Variants in GSK3B observed in about 807,000 individuals in gnomAD.
GSK3B encodes the protein glycogen synthase kinase 3 beta, also known as glycogen synthase kinase-3 beta.
GSK3B carries 15 observed loss-of-function variants against 56.4 expected under a neutral mutation model. That is an observed-to-expected ratio of 0.27 (90% confidence interval 0.18 to 0.41). The LOEUF (loss-of-function observed/expected upper bound fraction) is 0.41, where lower values mean the gene tolerates loss of function less well. Among genes scored for constraint, GSK3B ranks in the 10% least tolerant of loss-of-function variants. The pLI is 1.00. For synonymous variants in GSK3B, 181 were observed against 188.9 expected (o/e 0.96, Z 0.34); for missense variants, 300 against 513.4 (o/e 0.58, Z 4.02).
intron 1 of GSK3B, among the ~76,000 whole-genome samples, chr3:120,057,799 T>C (rs772594731): frequency 6.6e-6 from 1 of 152,150 alleles, no homozygotes; most frequent in African/African-American, 2.4e-5. Context: ...TTCTCTCATT[T>C]GCAAAACCGG....
chr3:119,970,131 T>C (rs753277103), intron 2 of GSK3B, among the ~76,000 whole-genome samples: 1 of 152,238 alleles, frequency 6.6e-6, no homozygotes, highest in African/African-American at 2.4e-5. Context: ...TGTTGATTTA[T>C]AAACTTTACT....
intron 9 of GSK3B, among the ~76,000 whole-genome samples, chr3:119,855,629 C>A (rs576614912): frequency 6.6e-6 from 1 of 152,258 alleles, no homozygotes; most frequent in South Asian, 2.1e-4. Context: ...CACATATACA[C>A]GATGGAATAC....
At chr3:119,999,173 T>C (rs2057651820) in intron 2 of GSK3B, among the ~76,000 whole-genome samples, 1 of 152,174 alleles carries the variant, frequency 6.6e-6, no homozygotes, top group African/African-American at 2.4e-5. Context: ...CCAATCTCTC[T>C]TGAGAAGGAG....
rs200352699 is a variant in GSK3B, at chr3:120,094,149, A to G, written c.-715T>C. On this transcript the variant is annotated 5_prime_UTR_variant, in exon 1 of 11. Coordinates refer to ENST00000264235, the MANE Select transcript of GSK3B (RefSeq NM_001146156.2). ...GCGGAGGCAGCTCCCTTCAGACCCCAGGCAGCGGCTCCTCGACTGTTCCCC... is the reference window on the plus strand; with the variant it reads ...GCGGAGGCAGCTCCCTTCAGACCCCGGGCAGCGGCTCCTCGACTGTTCCCC... The G allele has an allele frequency of 1.1e-3, 248 of 228,666 alleles. 2 individuals are homozygous for G. Among genetic ancestry groups the G allele is most frequent in the African/African-American group, 5.2e-3 (234 of 44,588 alleles). The allele number at this position is 228,666 out of a possible 1,614,324, so 14.2% of individuals were successfully genotyped here. A position where few individuals can be genotyped will look rare whatever the true frequency, so the allele number is the denominator to read the frequency against.
intron 1 of GSK3B, among the ~76,000 whole-genome samples, chr3:120,087,675 T>C (rs2058476437): frequency 6.6e-6 from 1 of 152,182 alleles, no homozygotes; most frequent in South Asian, 2.1e-4. Context: ...AAATAAAAAG[T>C]TGGTTTGACA....
intron 2 of GSK3B, among the ~76,000 whole-genome samples, chr3:119,953,181 C>T (rs887544351): frequency 4.6e-5 from 7 of 151,860 alleles, no homozygotes; most frequent in African/African-American, 1.5e-4. Flanking sequence ...CTTAGAGCAA[C>T]CACTAAGAAA....
At chr3:120,053,945 C>T (rs912914576) in intron 1 of GSK3B, among the ~76,000 whole-genome samples, 9 of 152,104 alleles carry the variant, frequency 5.9e-5, no homozygotes, top group African/African-American at 1.4e-4. Flanking sequence ...TCCAGTCTCG[C>T]GTATGTCTTT....
At chr3:119,986,928 A>G (rs1345000940) in intron 2 of GSK3B, among the ~76,000 whole-genome samples, 1 of 152,214 alleles carries the variant, frequency 6.6e-6, no homozygotes, top group Non-Finnish European at 1.5e-5. Context: ...AACCAACGCA[A>G]ATGTCCATCA....
intron 1 of GSK3B, among the ~76,000 whole-genome samples, chr3:120,085,489 A>G (rs1387088788): frequency 6.6e-6 from 1 of 152,220 alleles, no homozygotes; most frequent in Non-Finnish European, 1.5e-5. Context: ...ACTCAACTCA[A>G]TAACTTCAAC....
chr3:119,877,666 G>A lies in GSK3B; in HGVS notation c.814-1158C>T, dbSNP rs1294198508. Among the ~76,000 whole-genome samples the A allele has an allele frequency of 5.3e-5, 8 of 152,170 alleles. No homozygotes were observed. In the East Asian group the frequency reaches 1.5e-3, roughly 29 times the overall value. ...ACAAGGAACTATGTTAGGACCTTTG[G>A]AGGATACAAAGAACAAGAGATTTCC... On this transcript the variant is annotated intron_variant, in intron 7 of 10. Transcript: ENST00000264235.
chr3:120,077,683 G>A (rs1231753765), intron 1 of GSK3B, among the ~76,000 whole-genome samples: 1 of 152,054 alleles, frequency 6.6e-6, no homozygotes, highest in Non-Finnish European at 1.5e-5. Flanking sequence ...AACTATGTGA[G>A]ATGGAGATGT....
At chr3:119,852,350 C>CT (rs1343281410) in intron 9 of GSK3B, among the ~76,000 whole-genome samples, 3 of 150,276 alleles carry the variant, frequency 2.0e-5, no homozygotes, top group African/African-American at 5.0e-5. Flanking sequence ...ATTCAGAACT[C>CT]TATTTTTTTT....
chr3:120,005,769 G>A (rs1464599390), intron 1 of GSK3B, among the ~76,000 whole-genome samples: 1 of 152,166 alleles, frequency 6.6e-6, no homozygotes, highest in Non-Finnish European at 1.5e-5. Context: ...AAGAGCTCCT[G>A]AAGGAAGCAC....
chr3:119,974,520 A>G (rs758393951), intron 2 of GSK3B, among the ~76,000 whole-genome samples: 2 of 152,168 alleles, frequency 1.3e-5, no homozygotes, highest in Non-Finnish European at 2.9e-5. Flanking sequence ...CTATCTATGA[A>G]CCAGAAAACA....
At chr3:119,872,716 A>G (rs775776709) in intron 8 of GSK3B, among the ~76,000 whole-genome samples, 1 of 152,202 alleles carries the variant, frequency 6.6e-6, no homozygotes, top group Non-Finnish European at 1.5e-5. Flanking sequence ...CATTTATTCA[A>G]AACTAAAGTA....
At chr3:119,966,098 G>A (rs2057316355) in intron 2 of GSK3B, among the ~76,000 whole-genome samples, 1 of 152,180 alleles carries the variant, frequency 6.6e-6, no homozygotes, top group Admixed American at 6.5e-5. Flanking sequence ...TGCACAGACT[G>A]TTCATATGTC....
At chr3:119,999,800 T>C (rs1172516375) in intron 2 of GSK3B, among the ~76,000 whole-genome samples, 1 of 151,986 alleles carries the variant, frequency 6.6e-6, no homozygotes, top group Non-Finnish European at 1.5e-5. Flanking sequence ...AAAAGCAGAG[T>C]GGTCATAGAG....
chr3:119,863,818 T>C (rs975143301), intron 8 of GSK3B, among the ~76,000 whole-genome samples: 9 of 152,190 alleles, frequency 5.9e-5, no homozygotes, highest in Non-Finnish European at 1.2e-4. Flanking sequence ...GAAAAATCTA[T>C]ATATGCTAAT....
chr3:119,952,239 G>A (rs2057163986), intron 2 of GSK3B, among the ~76,000 whole-genome samples: 1 of 152,096 alleles, frequency 6.6e-6, no homozygotes, highest in Non-Finnish European at 1.5e-5. Flanking sequence ...TATAATCCCA[G>A]CACTTTGGGA....
Sources: allele counts gnomAD v4.1 joint callset (sites outside exome capture counted in the v4.1 genomes callset), GRCh38; gene constraint gnomAD v4.1.1; transcripts MANE v1.5; gene names NCBI Gene and HGNC (gene_info 2026-07-23, HGNC 2026-07-21).